ZFHX4: variants seen among roughly 807,000 people sequenced by gnomAD.
The protein encoded by ZFHX4 is zinc finger homeobox 4.
Under a neutral mutation model 267.6 loss-of-function variants are expected in ZFHX4, and 56 were observed. The observed-to-expected ratio is 0.21, with a 90% CI of 0.17 to 0.26. The LOEUF is 0.26. Among genes scored for constraint, ZFHX4 ranks in the 10% least tolerant of loss-of-function variants. The pLI is 1.00. For missense variants in ZFHX4, 4,332 were observed against 4,420.0 expected (o/e 0.98, Z 0.56); for synonymous variants, 1,778 against 1,665.6 (o/e 1.07, Z -1.64).
intron 1 of ZFHX4, among the ~76,000 whole-genome samples, chr8:76,685,948 A>G (rs1807682044): frequency 6.6e-6 from 1 of 152,146 alleles, no homozygotes; most frequent in African/African-American, 2.4e-5. Flanking sequence ...GTTTCTTTTT[A>G]TCCTCTTAGA....
At chr8:76,731,884 ATT>A (rs1405478366) in intron 3 of ZFHX4, among the ~76,000 whole-genome samples, 2 of 149,422 alleles carry the variant, frequency 1.3e-5, no homozygotes, top group African/African-American at 4.9e-5. Context: ...TATTATTATT[ATT>A]ATTATTTTTG....
intron 4 of ZFHX4, chr8:76,782,100 ATTTTTTTTT>A (rs77420241): frequency 1.2e-3 from 283 of 236,636 alleles, no homozygotes; most frequent in Middle Eastern, 5.1e-3. Flanking sequence ...TCAGTTAAGA[ATTTTTTTTT>A]TTTTTTTTTT....
intron 4 of ZFHX4, among the ~76,000 whole-genome samples, chr8:76,792,056 A>G (rs1335863915): frequency 6.6e-6 from 1 of 152,122 alleles, no homozygotes; most frequent in Non-Finnish European, 1.5e-5. Context: ...GACCTTATAT[A>G]TTCGTTTACT....
intron 5 of ZFHX4, among the ~76,000 whole-genome samples, chr8:76,834,958 T>C (rs944318702): frequency 8.6e-5 from 13 of 151,458 alleles, no homozygotes; most frequent in Admixed American, 6.6e-4. Context: ...CTTTTTTTTT[T>C]CTTTTTTGTG....
chr8:76,800,675 C>T (rs1003346005), intron 4 of ZFHX4, among the ~76,000 whole-genome samples: 2 of 152,082 alleles, frequency 1.3e-5, no homozygotes, highest in African/African-American at 4.8e-5. Flanking sequence ...CAGTCTGGAC[C>T]ACGTTATGAA....
At chr8:76,843,357 G>A (rs1812285899) in intron 6 of ZFHX4, among the ~76,000 whole-genome samples, 1 of 152,150 alleles carries the variant, frequency 6.6e-6, no homozygotes, top group South Asian at 2.1e-4. Context: ...AAATATCATT[G>A]AAAAGGGATT....
chr8:76,786,431 A>T (rs972754960), intron 4 of ZFHX4, among the ~76,000 whole-genome samples: 3 of 151,254 alleles, frequency 2.0e-5, no homozygotes, highest in Non-Finnish European at 2.9e-5. Flanking sequence ...GGCATTTTAG[A>T]TAAGGAGATT....
At chr8:76,699,633 C>T (rs1808050145) in intron 1 of ZFHX4, among the ~76,000 whole-genome samples, 1 of 151,430 alleles carries the variant, frequency 6.6e-6, no homozygotes, top group African/African-American at 2.4e-5. Flanking sequence ...CTTTTAAAAG[C>T]TTCTGTACAG....
intron 3 of ZFHX4, among the ~76,000 whole-genome samples, chr8:76,712,707 A>C (rs983855598): frequency 6.6e-6 from 1 of 152,218 alleles, no homozygotes; most frequent in Non-Finnish European, 1.5e-5. Flanking sequence ...AGCTGTTTTC[A>C]GAGATAAACA....
At chr8:76,750,633 T>A (rs1159281046) in intron 3 of ZFHX4, among the ~76,000 whole-genome samples, 3 of 152,164 alleles carry the variant, frequency 2.0e-5, no homozygotes, top group Non-Finnish European at 4.4e-5. Flanking sequence ...CTTTGCTATT[T>A]ACTAGTCTGT....
intron 4 of ZFHX4, among the ~76,000 whole-genome samples, chr8:76,814,657 A>G (rs1276162825): frequency 2.0e-5 from 3 of 152,188 alleles, no homozygotes; most frequent in Non-Finnish European, 4.4e-5. Flanking sequence ...CTTTGGCATT[A>G]CTGTGTTTAA....
At chr8:76,733,534 A>G (rs1454622571) in intron 3 of ZFHX4, 1 of 152,208 alleles carries the variant, frequency 6.6e-6, no homozygotes, top group East Asian at 1.9e-4. Flanking sequence ...TTAAAGAACT[A>G]TTTTAAAGTA....
intron 3 of ZFHX4, among the ~76,000 whole-genome samples, chr8:76,731,421 A>C (rs1260073760): frequency 6.6e-6 from 1 of 152,152 alleles, no homozygotes; most frequent in East Asian, 1.9e-4. Flanking sequence ...TGAGTCAAGA[A>C]AGAATTGGTT....
chr8:76,752,489 A>C (rs1305701923), intron 3 of ZFHX4, among the ~76,000 whole-genome samples: 1,550 of 91,206 alleles, frequency 0.017, 83 homozygotes, highest in African/African-American at 0.12. Flanking sequence ...CAAAAATCCA[A>C]AAAAAAAAAA....
At position 76,852,376 on chromosome 8, in the gene ZFHX4, C is replaced by T; in HGVS notation, c.5455C>T (p.Pro1819Ser). 6.4e-7 allele frequency: 1 copy of T among 1,553,762 alleles called. No homozygotes were observed. Among genetic ancestry groups the T allele is most frequent in the Non-Finnish European group, 8.7e-7 (1 of 1,148,056 alleles). Residue 1819 changes from proline to serine, a missense_variant, in exon 10 of 11, where the codon CCA (proline) becomes TCA (serine). Transcript: ENST00000651372. ...GCAGCCTCAAAAACAACAGCAGCAG[C>T]CACCACCTCCACAGCAGCAGCAGCA... ...QLQPQKQQQQ[P>S]PPPQQQQQQQ...
At chr8:76,741,437 T>A (rs1162501648) in intron 3 of ZFHX4, among the ~76,000 whole-genome samples, 2 of 152,210 alleles carry the variant, frequency 1.3e-5, no homozygotes, top group Non-Finnish European at 2.9e-5. Context: ...GCAAGAGGTG[T>A]GAAGACCACA....
chr8:76,741,434 G>A (rs1325793996), intron 3 of ZFHX4, among the ~76,000 whole-genome samples: 1 of 152,196 alleles, frequency 6.6e-6, no homozygotes, highest in East Asian at 1.9e-4. Flanking sequence ...CGGGCAAGAG[G>A]TGTGAAGACC....
At chr8:76,773,781 T>C (rs899236153) in intron 3 of ZFHX4, among the ~76,000 whole-genome samples, 2 of 152,208 alleles carry the variant, frequency 1.3e-5, no homozygotes, top group Non-Finnish European at 2.9e-5. Context: ...TATGCTTTTA[T>C]ATTTATATCT....
intron 4 of ZFHX4, among the ~76,000 whole-genome samples, chr8:76,799,328 G>A (rs191439293): frequency 6.0e-5 from 8 of 132,560 alleles, no homozygotes; most frequent in Admixed American, 2.1e-4. Flanking sequence ...CATGCTTTGC[G>A]TCTATTTTGA....
Sources: allele counts gnomAD v4.1 joint callset (sites outside exome capture counted in the v4.1 genomes callset), GRCh38; gene constraint gnomAD v4.1.1; transcripts MANE v1.5; gene names NCBI Gene and HGNC (gene_info 2026-07-23, HGNC 2026-07-21).